Variants in USP49 observed in about 807,000 individuals in gnomAD.
USP49 encodes ubiquitin carboxyl-terminal hydrolase 49.
Under a neutral mutation model 58.6 loss-of-function variants are expected in USP49, and 24 were observed. That is an observed-to-expected ratio of 0.41 (90% CI 0.30 to 0.58). USP49 has a LOEUF of 0.58. Among genes scored for constraint, USP49 ranks in the 20% least tolerant of loss-of-function variants. USP49 has a pLI of 0.30. For synonymous variants in USP49, 408 were observed against 365.1 expected, an observed-to-expected ratio of 1.12 and a Z score of -1.34; for missense variants, 703 against 866.1, an observed-to-expected ratio of 0.81 and a Z score of 2.36.
intron 3 of USP49, among the ~76,000 whole-genome samples, chr6:41,821,457 G>A (rs1773451535): frequency 6.6e-6 from 1 of 152,160 alleles, no homozygotes; most frequent in Admixed American, 6.5e-5. Flanking sequence ...CTCTCTTTCT[G>A]AAACTTCCCC....
rs1356238548 is a variant in USP49, at chr6:41,806,951, C to T, written c.33G>A (p.Arg11=). ...TCAGGATGGAGTGGTCCTGGGCGAG[C>T]CGTAACCGCCCTACATGTTTGCATC... The part of the protein sequence containing the change: MDRCKHVGRL[R]LAQDHSILNP... Residue 11 remains arginine (R), a synonymous_variant, in exon 4 of 8, where the codon CGG becomes CGA. Transcript: ENST00000682992. This position sits in a 1 kb window ranked among gnomAD's most constrained non-coding sequence, Gnocchi z 5.9. 4 of 1,606,474 alleles carry T rather than the reference C, an allele frequency of 2.5e-6. No homozygotes were observed. Among genetic ancestry groups the T allele is most frequent in the Non-Finnish European group, 3.4e-6 (4 of 1,174,820 alleles).
At chr6:41,817,188 C>T (rs1275604342) in intron 3 of USP49, among the ~76,000 whole-genome samples, 20 of 115,242 alleles carry the variant, frequency 1.7e-4, no homozygotes, top group African/African-American at 7.3e-4. Context: ...CTTGCTCTGT[C>T]GCCAGGCTGG....
At chr6:41,855,734 C>G (rs1203224640) in intron 3 of USP49, among the ~76,000 whole-genome samples, 3 of 151,998 alleles carry the variant, frequency 2.0e-5, no homozygotes, top group African/African-American at 7.2e-5. Context: ...GGAAACTCGA[C>G]ACACTTAAGG....
At chr6:41,878,103 T>C (rs1361666826) in intron 2 of USP49, among the ~76,000 whole-genome samples, 1 of 152,108 alleles carries the variant, frequency 6.6e-6, no homozygotes, top group Non-Finnish European at 1.5e-5. Flanking sequence ...AAAGATCAAA[T>C]AAGAAAATGT....
Position 41,803,872 on chromosome 6 carries a change from T to A in USP49, c.1495A>T (p.Met499Leu), listed in dbSNP as rs1338373910. The A allele has an allele frequency of 1.2e-6, 2 of 1,614,090 alleles. No homozygotes were observed. The highest frequency in any genetic ancestry group is 2.7e-5 in the African/African-American group (2 of 74,932). The change falls in exon 5 of 8, where the codon ATG becomes TTG. Residue 499 changes from methionine to leucine, a missense_variant. Physicochemically the swap from Met to Leu is conservative, Grantham distance 15. Around this residue, in one of 6 missense-constraint regions of USP49, gnomAD observed 158 missense variants for 241.2 expected, o/e 0.66. Coordinates refer to ENST00000682992, the MANE Select transcript of USP49 (RefSeq NM_001286554.2). This position sits in a 1 kb window ranked among gnomAD's most constrained non-coding sequence, Gnocchi z 4.1. ...TCTGTCTCTGTGAATTTGGCCAGCA[T>A]CTCAGTGAGCAAGCACTCTGTTTGA... ...LNQTECLLTE[M>L]LAKFTETEAL...
At chr6:41,832,224 G>A (rs1773647214) in intron 3 of USP49, among the ~76,000 whole-genome samples, 2 of 152,082 alleles carry the variant, frequency 1.3e-5, no homozygotes, top group African/African-American at 4.8e-5. Flanking sequence ...TGATAGTCTT[G>A]ATTTGTAATT....
At chr6:41,856,945 C>T (rs1774142520) in intron 3 of USP49, among the ~76,000 whole-genome samples, 1 of 152,118 alleles carries the variant, frequency 6.6e-6, no homozygotes, top group Non-Finnish European at 1.5e-5. Flanking sequence ...TCACTACTGT[C>T]CCGTGGTGCT....
At chr6:41,808,576 A>T (rs983401744) in intron 3 of USP49, among the ~76,000 whole-genome samples, 2 of 151,766 alleles carry the variant, frequency 1.3e-5, no homozygotes, top group African/African-American at 4.8e-5. Flanking sequence ...CGCCCAGCTA[A>T]TTTTTTTGTA....
chr6:41,821,383 T>C (rs1773450147), intron 3 of USP49, among the ~76,000 whole-genome samples: 1 of 152,214 alleles, frequency 6.6e-6, no homozygotes, highest in East Asian at 1.9e-4. Context: ...TATCTCTGTC[T>C]TTGGAGGGCA....
intron 2 of USP49, among the ~76,000 whole-genome samples, chr6:41,888,262 C>T (rs1420618186): frequency 1.3e-5 from 2 of 152,030 alleles, no homozygotes; most frequent in African/African-American, 4.8e-5. Context: ...ACTATGTTGG[C>T]TAGCCTGGTC....
rs929667936 is a variant in USP49, at chr6:41,807,094, G to T, written c.-28-83C>A. ...ATTTTCCTTAAAAAAAAAAAAAAAA[G>T]TAAAAGGCTTGCAATTGATATTTCA... is the stretch of plus-strand genomic sequence containing the variant. On this transcript the variant is annotated intron_variant, in intron 3 of 7. Transcript: ENST00000682992. 20 of 739,188 alleles carry T rather than the reference G, an allele frequency of 2.7e-5. No homozygotes were observed. The African/African-American group carries it at 3.7e-4, about 14-fold the overall frequency. 45.8% of individuals were successfully genotyped at this position (739,188 alleles called of 1,614,324 possible).
rs377308373 is a variant in USP49 at position 41,868,818 on chromosome 6, C to G, written c.-29+2746G>C. On this transcript the variant is annotated intron_variant, in intron 3 of 7. Transcript: ENST00000682992. ...TTGCTCTGTCGCCCAGGCTGGAGTA[C>G]AGTGGCGTGATCTCAGCTCACTGCA... is the stretch of plus-strand genomic sequence containing the variant. 1.2e-4 allele frequency: 19 copies of G among 152,306 alleles called. No homozygotes were observed. The East Asian group carries it at 3.5e-3, about 28-fold the overall frequency. 9.4% of individuals were successfully genotyped at this position (152,306 alleles called of 1,614,324 possible).
intron 3 of USP49, chr6:41,869,592 C>T (rs1774380256): frequency 6.6e-6 from 1 of 151,946 alleles, no homozygotes. Context: ...CGCCTGTAAT[C>T]CCAGCTAGTC....
At chr6:41,839,041 C>T (rs1221911724) in intron 3 of USP49, among the ~76,000 whole-genome samples, 11 of 152,118 alleles carry the variant, frequency 7.2e-5, no homozygotes, top group Non-Finnish European at 1.5e-5. Context: ...GTGACACAAT[C>T]TATTAAACCC....
At chr6:41,843,855 C>T (rs1181463667) in intron 3 of USP49, among the ~76,000 whole-genome samples, 1 of 152,068 alleles carries the variant, frequency 6.6e-6, no homozygotes, top group Non-Finnish European at 1.5e-5. Flanking sequence ...ACCAGCCTGG[C>T]CAACATAGTG....
chr6:41,854,316 C>CAAAAA, intron 3 of USP49, among the ~76,000 whole-genome samples: 1 of 91,106 alleles, frequency 1.1e-5, no homozygotes, highest in Non-Finnish European at 2.2e-5. Flanking sequence ...GACTCTGTCT[C>CAAAAA]AAAAAAAAAA....
At chr6:41,856,367 C>A (rs947739249) in intron 3 of USP49, among the ~76,000 whole-genome samples, 1 of 150,304 alleles carries the variant, frequency 6.7e-6, no homozygotes, top group Non-Finnish European at 1.5e-5. Context: ...AGAGCGAGAC[C>A]CCGTCTCAAA....
chr6:41,833,411 A>G (rs933279167), intron 3 of USP49, among the ~76,000 whole-genome samples: 3 of 152,168 alleles, frequency 2.0e-5, no homozygotes, highest in African/African-American at 7.2e-5. Flanking sequence ...AAGAATAAAT[A>G]TAATCAAATA....
At chr6:41,840,299 G>A (rs375703157) in intron 3 of USP49, among the ~76,000 whole-genome samples, 35 of 151,340 alleles carry the variant, frequency 2.3e-4, no homozygotes, top group African/African-American at 7.0e-4. Flanking sequence ...GCGTCAACCC[G>A]GGAGGCGGAG....
Sources: allele counts gnomAD v4.1 joint callset (sites outside exome capture counted in the v4.1 genomes callset), GRCh38; gene constraint gnomAD v4.1.1; regional missense constraint gnomAD v4.1.1; non-coding constraint Gnocchi (gnomAD v3.1); transcripts MANE v1.5; gene names NCBI Gene and HGNC (gene_info 2026-07-23, HGNC 2026-07-21).